The following DYM variants were observed in gnomAD, a reference collection of about 807,000 sequenced individuals.
The protein encoded by DYM is dyggve-Melchior-Clausen syndrome protein.
DYM carries 78 observed loss-of-function variants against 93.1 expected under a neutral mutation model. The observed-to-expected ratio is 0.84, with a 90% CI of 0.70 to 1.01. DYM has a LOEUF of 1.01. DYM is among the 50% of genes least tolerant of loss of function. The pLI, the probability that DYM is intolerant of heterozygous loss-of-function variation, is 0.00. For missense variants in DYM, 789 were observed against 845.0 expected (o/e 0.93, Z 0.82); for synonymous variants, 321 against 319.7 (o/e 1.00, Z -0.04).
At chr18:49,307,729 A>G (rs1051795712) in intron 8 of DYM, among the ~76,000 whole-genome samples, 1 of 152,352 alleles carries the variant, frequency 6.6e-6, no homozygotes, top group Non-Finnish European at 1.5e-5. Context: ...AACTGTGCCC[A>G]GATAAACCAG....
chr18:49,287,081 C>G (rs1013707470), intron 8 of DYM, among the ~76,000 whole-genome samples: 2 of 151,924 alleles, frequency 1.3e-5, no homozygotes, highest in African/African-American at 4.8e-5. Flanking sequence ...GTCCCAGCTA[C>G]TTGGCTGAGG....
intron 5 of DYM, among the ~76,000 whole-genome samples, chr18:49,367,820 TA>T (rs1436810187): frequency 2.0e-5 from 3 of 152,158 alleles, no homozygotes; most frequent in Non-Finnish European, 4.4e-5. Context: ...AAAAATAGGT[TA>T]AAAGAGTACC....
At chr18:49,325,010 C>A (rs1453400544) in intron 8 of DYM, among the ~76,000 whole-genome samples, 1 of 152,112 alleles carries the variant, frequency 6.6e-6, no homozygotes, top group African/African-American at 2.4e-5. Context: ...GGCTCTAGAA[C>A]CCACCCTTAG....
At chr18:49,241,231 T>A (rs1230255818) in intron 13 of DYM, among the ~76,000 whole-genome samples, 1 of 152,220 alleles carries the variant, frequency 6.6e-6, no homozygotes. Context: ...CAACTGAGAA[T>A]CTGAGTGCAG....
intron 13 of DYM, among the ~76,000 whole-genome samples, chr18:49,215,790 A>G (rs2143771784): frequency 6.6e-6 from 1 of 152,372 alleles, no homozygotes; most frequent in African/African-American, 2.4e-5. Context: ...CCGAATAGGA[A>G]CAGCTCCGGT....
At chr18:49,283,403 A>G (rs1195332699) in intron 9 of DYM, among the ~76,000 whole-genome samples, 15 of 152,110 alleles carry the variant, frequency 9.9e-5, no homozygotes, top group Non-Finnish European at 1.5e-5. Context: ...TGCAAACCTA[A>G]TTGACTATAA....
chr18:49,307,424 C>T (rs1414284360), intron 8 of DYM, among the ~76,000 whole-genome samples: 1 of 152,120 alleles, frequency 6.6e-6, no homozygotes, highest in African/African-American at 2.4e-5. Context: ...TATGTACTCC[C>T]TTTAAGAATT....
chr18:49,300,415 C>G (rs995889527), intron 8 of DYM, among the ~76,000 whole-genome samples: 1 of 151,842 alleles, frequency 6.6e-6, no homozygotes, highest in Non-Finnish European at 1.5e-5. Context: ...GCCTGGGCAA[C>G]ATAGTGAAAC....
intron 14 of DYM, among the ~76,000 whole-genome samples, chr18:49,187,012 T>C (rs1297994166): frequency 6.7e-6 from 1 of 149,962 alleles, no homozygotes; most frequent in Non-Finnish European, 1.5e-5. Context: ...CTCCGCTTCC[T>C]GGGTTCACGC....
chr18:49,220,836 T>C (rs1015116841), intron 13 of DYM, among the ~76,000 whole-genome samples: 2 of 152,164 alleles, frequency 1.3e-5, no homozygotes, highest in African/African-American at 2.4e-5. Flanking sequence ...ATTCAGGACA[T>C]AGGCATGGGC....
chr18:49,184,782 A>G (rs548109202), intron 14 of DYM, among the ~76,000 whole-genome samples: 5 of 152,330 alleles, frequency 3.3e-5, no homozygotes, highest in African/African-American at 9.6e-5. Context: ...GAAACTTTCC[A>G]TTTAATATTT....
At chr18:49,223,841 T>A (rs998573636) in intron 13 of DYM, among the ~76,000 whole-genome samples, 2 of 151,986 alleles carry the variant, frequency 1.3e-5, no homozygotes, top group Non-Finnish European at 2.9e-5. Flanking sequence ...TATGCAAAAG[T>A]AAAGGACAAT....
chr18:49,352,980 T>C (rs1455448641), intron 6 of DYM, among the ~76,000 whole-genome samples: 2 of 152,276 alleles, frequency 1.3e-5, no homozygotes, highest in East Asian at 3.9e-4. Flanking sequence ...TGATACTCTG[T>C]CATCCTGACA....
chr18:49,081,539 AGGGGAGAG>A (rs1323301063), intron 17 of DYM, among the ~76,000 whole-genome samples: 7 of 19,744 alleles, frequency 3.5e-4, no homozygotes, highest in African/African-American at 1.1e-3. Flanking sequence ...GAGAGGGGAG[AGGGGAGAG>A]GGGAGAGGGG....
At position 49,118,671 on chromosome 18, in the gene DYM, C is replaced by T. The variant is rs186120601; in HGVS notation, c.1911+73G>A. On this transcript the variant is annotated intron_variant, in intron 16 of 17. Coordinates refer to ENST00000675505, the MANE Select transcript of DYM (RefSeq NM_001353214.3). The stretch of plus-strand genomic sequence containing the variant: ...GAAACTCTTACTATTATAGTTCTTA[C>T]CAAGGCTTATTAAACATTCTCTGCT... 5.8e-5 allele frequency: 81 copies of T among 1,386,408 alleles called. No individual in the cohort carries two copies. The African/African-American group carries it at 1.1e-3, about 19-fold the overall frequency. 85.9% of individuals were successfully genotyped at this position (1,386,408 alleles called of 1,614,324 possible).
intron 2 of DYM, among the ~76,000 whole-genome samples, chr18:49,394,526 G>A (rs1172476222): frequency 6.6e-6 from 1 of 151,950 alleles, no homozygotes; most frequent in Non-Finnish European, 1.5e-5. Flanking sequence ...CTTCTGTGTT[G>A]CCATAGAAAT....
At chr18:49,377,102 C>A (rs895887320) in intron 5 of DYM, among the ~76,000 whole-genome samples, 1 of 152,160 alleles carries the variant, frequency 6.6e-6, no homozygotes, top group Admixed American at 6.5e-5. Context: ...TGTACCATGT[C>A]ATTTCATTTG....
intron 2 of DYM, among the ~76,000 whole-genome samples, chr18:49,400,522 C>T (rs77627369): frequency 0.08 from 12,214 of 152,162 alleles, 775 homozygotes; most frequent in East Asian, 0.31. Flanking sequence ...ACTTATACAT[C>T]CCCCACTGTG....
intron 13 of DYM, among the ~76,000 whole-genome samples, chr18:49,255,687 AAG>A (rs1231556299): frequency 4.7e-5 from 7 of 150,182 alleles, no homozygotes; most frequent in African/African-American, 7.4e-5. Flanking sequence ...AAAAAAAAAA[AAG>A]AAGAAGAGAA....
Sources: gnomAD v4.1 joint callset for allele counts (sites outside exome capture counted in the v4.1 genomes callset) on GRCh38, gnomAD v4.1.1 for gene constraint, MANE v1.5 for transcripts, NCBI Gene and HGNC (gene_info 2026-07-23, HGNC 2026-07-21) for gene names.